The following SLC26A7 variants were observed in gnomAD, a reference collection of about 807,000 sequenced individuals.
The protein encoded by SLC26A7 is anion exchange transporter.
Under a neutral mutation model 82.5 loss-of-function variants are expected in SLC26A7, and 59 were observed. The observed-to-expected ratio is 0.72, with a 90% confidence interval of 0.58 to 0.89. SLC26A7 has a LOEUF of 0.89. SLC26A7 is among the 40% of genes least tolerant of loss of function. SLC26A7 has a pLI of 0.00. For missense variants in SLC26A7, 820 were observed against 793.0 expected (o/e 1.03, Z -0.41); for synonymous variants, 271 against 274.3 (o/e 0.99, Z 0.12).
chr8:91,341,386 A>G (rs910735816), intron 8 of SLC26A7, among the ~76,000 whole-genome samples: 5 of 152,126 alleles, frequency 3.3e-5, no homozygotes, highest in Admixed American at 1.3e-4. Context: ...CCAGTCTATC[A>G]CGATTGCATA....
rs531640985 is a variant in SLC26A7, at chr8:91,317,978, CA to C, written c.478-230del. Among the ~76,000 whole-genome samples, 424 of 140,804 alleles carry C rather than the reference CA, an allele frequency of 3.0e-3. 8 individuals are homozygous for C. The highest frequency in any genetic ancestry group is 0.029 in the South Asian group (133 of 4,524). 92.4% of individuals were successfully genotyped at this position (140,804 alleles called of 152,430 possible). A position where few individuals can be genotyped will look rare whatever the true frequency, so the allele number is the denominator to read the frequency against. ...TATATAAAATAAAAATAAAAATAAACAAAAAAAATAAAATAAAATTAAATTA... is the reference window on the plus strand; with the variant it reads ...TATATAAAATAAAAATAAAAATAAACAAAAAAATAAAATAAAATTAAATTA... On this transcript the variant is annotated intron_variant, in intron 4 of 18. Coordinates refer to ENST00000276609, the MANE Select transcript of SLC26A7 (RefSeq NM_052832.4).
At chr8:91,274,472 G>T (rs983285216) in intron 2 of SLC26A7, among the ~76,000 whole-genome samples, 2 of 152,150 alleles carry the variant, frequency 1.3e-5, no homozygotes, top group African/African-American at 4.8e-5. Flanking sequence ...GAAACAGAGA[G>T]CAAGAGAATG....
At chr8:91,278,780 C>T (rs1811475266) in intron 2 of SLC26A7, among the ~76,000 whole-genome samples, 1 of 151,982 alleles carries the variant, frequency 6.6e-6, no homozygotes, top group African/African-American at 2.4e-5. Flanking sequence ...ATTCTCTTAG[C>T]AATTTTCAAG....
At chr8:91,331,196 C>T (rs765043222) in intron 5 of SLC26A7, among the ~76,000 whole-genome samples, 1 of 152,112 alleles carries the variant, frequency 6.6e-6, no homozygotes, top group Non-Finnish European at 1.5e-5. Flanking sequence ...GGGGTTAGGA[C>T]TTCAACATAT....
intron 1 of SLC26A7, among the ~76,000 whole-genome samples, chr8:91,212,491 G>A (rs138760783): frequency 3.3e-5 from 5 of 152,140 alleles, no homozygotes; most frequent in East Asian, 1.9e-4. Flanking sequence ...GAGTGAAAAC[G>A]TTCATTTACT....
chr8:91,289,896 T>C (rs947450304), intron 3 of SLC26A7, among the ~76,000 whole-genome samples: 2 of 152,204 alleles, frequency 1.3e-5, no homozygotes, highest in African/African-American at 4.8e-5. Flanking sequence ...AGGGGTGATT[T>C]GGTATTAGAT....
At chr8:91,378,697 A>T (rs1186954836) in intron 15 of SLC26A7, among the ~76,000 whole-genome samples, 2 of 151,694 alleles carry the variant, frequency 1.3e-5, no homozygotes, top group African/African-American at 4.8e-5. Flanking sequence ...TGTCTCTCTC[A>T]TGACCATACA....
At chr8:91,286,559 T>G (rs1391541971) in intron 2 of SLC26A7, among the ~76,000 whole-genome samples, 3 of 152,204 alleles carry the variant, frequency 2.0e-5, no homozygotes, top group African/African-American at 7.2e-5. Flanking sequence ...TGTTGTTGCT[T>G]TTGCTCTTAT....
intron 2 of SLC26A7, among the ~76,000 whole-genome samples, chr8:91,263,927 G>A (rs887022540): frequency 1.3e-5 from 2 of 151,922 alleles, no homozygotes; most frequent in Non-Finnish European, 2.9e-5. Context: ...ATAAATATTA[G>A]TTGAATAAAA....
intron 3 of SLC26A7, among the ~76,000 whole-genome samples, chr8:91,289,700 G>A (rs1811812539): frequency 6.6e-6 from 1 of 151,706 alleles, no homozygotes; most frequent in Admixed American, 6.6e-5. Context: ...ATGAGAGAAA[G>A]TAAGTACTTG....
At chr8:91,228,039 A>T (rs1810259912) in intron 2 of SLC26A7, among the ~76,000 whole-genome samples, 1 of 152,244 alleles carries the variant, frequency 6.6e-6, no homozygotes, top group African/African-American at 2.4e-5. Context: ...TGTAGGCCAC[A>T]AGGCTCCAAA....
chr8:91,359,544 G>T (rs1003895116), intron 11 of SLC26A7, among the ~76,000 whole-genome samples: 2 of 152,208 alleles, frequency 1.3e-5, no homozygotes, highest in East Asian at 3.8e-4. Context: ...AATGTGGTGT[G>T]TGCAAAGATA....
intron 5 of SLC26A7, among the ~76,000 whole-genome samples, chr8:91,325,149 A>G (rs1428638826): frequency 1.3e-5 from 2 of 152,118 alleles, no homozygotes; most frequent in Non-Finnish European, 2.9e-5. Flanking sequence ...CCATTGTTCA[A>G]TTTCTGTGTG....
intron 1 of SLC26A7, among the ~76,000 whole-genome samples, chr8:91,215,755 C>T (rs1255084525): frequency 1.3e-5 from 2 of 152,096 alleles, no homozygotes; most frequent in African/African-American, 4.8e-5. Context: ...TAAACAATGA[C>T]AAAAGCAGTA....
At chr8:91,381,097 AATTAT>A (rs755522084) in intron 15 of SLC26A7, among the ~76,000 whole-genome samples, 217 of 152,280 alleles carry the variant, frequency 1.4e-3, no homozygotes, top group Admixed American at 3.9e-3. Context: ...AAAAAAGCTG[AATTAT>A]ATTAATTTCT....
At chr8:91,386,841 C>G (rs1814813232) in intron 15 of SLC26A7, among the ~76,000 whole-genome samples, 1 of 152,100 alleles carries the variant, frequency 6.6e-6, no homozygotes, top group South Asian at 2.1e-4. Flanking sequence ...CTGGCCCCAA[C>G]TCATTACTGA....
At chr8:91,276,779 A>G (rs1040870458) in intron 2 of SLC26A7, among the ~76,000 whole-genome samples, 1 of 152,150 alleles carries the variant, frequency 6.6e-6, no homozygotes, top group Non-Finnish European at 1.5e-5. Context: ...TTTAAAATGC[A>G]CTTCATCTTA....
intron 3 of SLC26A7, among the ~76,000 whole-genome samples, chr8:91,295,064 T>G (rs1334162027): frequency 6.6e-6 from 1 of 152,188 alleles, no homozygotes; most frequent in Non-Finnish European, 1.5e-5. Context: ...CTGAATTTAC[T>G]GAGGTCTTCA....
intron 1 of SLC26A7, among the ~76,000 whole-genome samples, chr8:91,215,968 T>A (rs1810038625): frequency 6.6e-6 from 1 of 152,190 alleles, no homozygotes. Flanking sequence ...GAGAATTTCA[T>A]GTTATGCAAA....
Sources: gnomAD v4.1 joint callset for allele counts (sites outside exome capture counted in the v4.1 genomes callset) on GRCh38, gnomAD v4.1.1 for gene constraint, MANE v1.5 for transcripts, NCBI Gene and HGNC (gene_info 2026-07-23, HGNC 2026-07-21) for gene names.